The following TGFBR3 variants were observed in gnomAD, a reference collection of about 807,000 sequenced individuals.
TGFBR3 encodes transforming growth factor beta receptor type 3.
A neutral mutation model predicts 87.9 loss-of-function variants in TGFBR3; 46 were observed. The observed-to-expected ratio is 0.52, with a 90% CI of 0.41 to 0.67. TGFBR3 has a LOEUF of 0.67. TGFBR3 is among the 30% of genes least tolerant of loss of function. The pLI, the probability that TGFBR3 is intolerant of heterozygous loss-of-function variation, is 0.00. For synonymous variants in TGFBR3, 381 were observed against 391.6 expected, an observed-to-expected ratio of 0.97 and a Z score of 0.32; for missense variants, 866 against 1,041.9, an observed-to-expected ratio of 0.83 and a Z score of 2.32.
intron 2 of TGFBR3, among the ~76,000 whole-genome samples, chr1:91,842,700 C>T (rs1677332053): frequency 6.6e-6 from 1 of 152,208 alleles, no homozygotes. Context: ...CCCTCTTTTC[C>T]TACACATATA....
At chr1:91,871,042 C>CAA (rs58335918) in intron 1 of TGFBR3, among the ~76,000 whole-genome samples, 1,396 of 130,176 alleles carry the variant, frequency 0.011, 25 homozygotes, top group African/African-American at 0.036. Context: ...GCTCTGTCAC[C>CAA]AAAAAAAAAA....
chr1:91,795,350 C>T (rs1038680442), intron 3 of TGFBR3, among the ~76,000 whole-genome samples: 1 of 152,144 alleles, frequency 6.6e-6, no homozygotes, highest in Non-Finnish European at 1.5e-5. Flanking sequence ...CCTTTGTAGG[C>T]CCTCTTTCTT....
intron 1 of TGFBR3, among the ~76,000 whole-genome samples, chr1:91,880,355 C>T (rs1004679036): frequency 4.6e-5 from 7 of 152,230 alleles, no homozygotes; most frequent in African/African-American, 9.6e-5. Flanking sequence ...AATCCCAGCA[C>T]GTTGGGAGGC....
chr1:91,828,303 T>C (rs1676721448), intron 2 of TGFBR3, among the ~76,000 whole-genome samples: 1 of 152,106 alleles, frequency 6.6e-6, no homozygotes, highest in Admixed American at 6.5e-5. Flanking sequence ...CACACCCCCG[T>C]CAATATTTTG....
chr1:91,886,369 T>C (rs1351173109), upstream of TGFBR3: 1 of 353,242 alleles, frequency 2.8e-6, no homozygotes, highest in Non-Finnish European at 5.6e-6. Context: ...GAGCCCCGAA[T>C]GCTGCTCGAG....
chr1:91,734,802 C>T lies in TGFBR3; in HGVS notation c.542G>A (p.Arg181Lys), dbSNP rs1250067156. ...VTSFTELKIA[R>K]NIYIKVGEDQ... ...TTCCCCCACTTTAATATAAATGTTT[C>T]TTGCTATCTTGAGTTCGGTGAATGA... Residue 181 changes from arginine (R) to lysine (K), a missense_variant, in exon 5 of 17, where the codon AGA becomes AAA. Physicochemically the swap from Arg to Lys is conservative, Grantham distance 26 (BLOSUM62 2). Coordinates refer to ENST00000212355, the MANE Select transcript of TGFBR3 (RefSeq NM_003243.5). 6.2e-7 allele frequency: 1 copy of T among 1,614,074 alleles called. No individual in the cohort carries two copies. Among genetic ancestry groups the T allele is most frequent in the Non-Finnish European group, 8.5e-7 (1 of 1,180,016 alleles).
At chr1:91,805,297 T>C (rs1675787747) in intron 2 of TGFBR3, among the ~76,000 whole-genome samples, 1 of 152,168 alleles carries the variant, frequency 6.6e-6, no homozygotes, top group African/African-American at 2.4e-5. Flanking sequence ...GAAATCTAAC[T>C]TTTCCTTGGA....
At chr1:91,847,818 G>A (rs531375110) in intron 2 of TGFBR3, among the ~76,000 whole-genome samples, 23 of 152,086 alleles carry the variant, frequency 1.5e-4, no homozygotes, top group African/African-American at 4.6e-4. Context: ...CACAGGTTCC[G>A]GGACCAATGA....
In TGFBR3 at chr1:91,852,373, C is replaced by T. The variant is rs79530728; in HGVS notation, c.61+9098G>A. 6.4e-4 allele frequency among the ~76,000 whole-genome samples: 98 copies of T among 152,344 alleles called. No homozygotes were observed. The East Asian group carries it at 0.017, about 27-fold the overall frequency. On this transcript the variant is annotated intron_variant, in intron 2 of 16. Transcript: ENST00000212355. ...ACCTTTCTCTCAACTACTGCCTCAA[C>T]TCCCGTGTGTGTGTATGTGTGTGTG...
chr1:91,828,359 C>T (rs962341836), intron 2 of TGFBR3, among the ~76,000 whole-genome samples: 2 of 152,164 alleles, frequency 1.3e-5, no homozygotes, highest in Non-Finnish European at 2.9e-5. Context: ...AAATGGCAAA[C>T]TCATATTTCA....
chr1:91,899,564 C>T (rs1679644646), intron 2 of TGFBR3: 3 of 151,848 alleles, frequency 2.0e-5, no homozygotes, highest in Non-Finnish European at 4.4e-5. Flanking sequence ...TGGCTCATTC[C>T]ACTTTTCAGG....
At chr1:91,889,593 A>G (rs752181558), upstream of TGFBR3, among the ~76,000 whole-genome samples, 1 of 152,222 alleles carries the variant, frequency 6.6e-6, no homozygotes, top group Non-Finnish European at 1.5e-5. Context: ...TACCTCAAGC[A>G]TAGACGAAAG....
chr1:91,876,551 CA>C (rs1237163902), intron 1 of TGFBR3, among the ~76,000 whole-genome samples: 1 of 149,562 alleles, frequency 6.7e-6, no homozygotes, highest in Admixed American at 6.6e-5. Flanking sequence ...CATTTCAGTT[CA>C]AAGCATGGTA....
intron 2 of TGFBR3, among the ~76,000 whole-genome samples, chr1:91,898,248 A>ATG (rs1190555069): frequency 6.6e-6 from 1 of 152,006 alleles, no homozygotes; most frequent in Non-Finnish European, 1.5e-5. Context: ...TCTTCCGCAT[A>ATG]TGTGTGTGTC....
intron 2 of TGFBR3, among the ~76,000 whole-genome samples, chr1:91,852,601 T>C (rs893120520): frequency 6.6e-6 from 1 of 152,124 alleles, no homozygotes; most frequent in Non-Finnish European, 1.5e-5. Context: ...AGTTTCGCTC[T>C]TGTTGCCCAG....
chr1:91,851,170 G>A (rs1211671886), intron 2 of TGFBR3, among the ~76,000 whole-genome samples: 1 of 152,056 alleles, frequency 6.6e-6, no homozygotes, highest in Non-Finnish European at 1.5e-5. Flanking sequence ...GCTGGCAAGG[G>A]AGGGCAGGGG....
At chr1:91,776,151 A>G (rs137985281) in intron 3 of TGFBR3, among the ~76,000 whole-genome samples, 122 of 152,310 alleles carry the variant, frequency 8.0e-4, no homozygotes, top group African/African-American at 2.9e-3. Context: ...TCAACACGCA[A>G]CACTGGGTGC....
At chr1:91,879,004 C>T (rs1180993201) in intron 1 of TGFBR3, among the ~76,000 whole-genome samples, 3 of 152,156 alleles carry the variant, frequency 2.0e-5, no homozygotes, top group Non-Finnish European at 4.4e-5. Flanking sequence ...CATGGTGGCT[C>T]ACGCCTGTAA....
intron 3 of TGFBR3, among the ~76,000 whole-genome samples, chr1:91,771,868 A>G (rs1334318444): frequency 1.3e-5 from 2 of 152,098 alleles, no homozygotes; most frequent in Non-Finnish European, 2.9e-5. Context: ...AGAAGCTCAC[A>G]GTTTGATGGG....
Sources: gnomAD v4.1 joint callset for allele counts (sites outside exome capture counted in the v4.1 genomes callset) on GRCh38, gnomAD v4.1.1 for gene constraint, MANE v1.5 for transcripts, NCBI Gene and HGNC (gene_info 2026-07-23, HGNC 2026-07-21) for gene names.